Variants in TNIK observed in about 807,000 individuals in gnomAD.
TNIK encodes the protein TRAF2 and NCK-interacting protein kinase.
TNIK carries 49 observed loss-of-function variants against 191.3 expected under a neutral mutation model. That is an observed-to-expected ratio of 0.26 (90% CI 0.20 to 0.32). TNIK has a LOEUF of 0.32. Among genes scored for constraint, TNIK ranks in the 10% least tolerant of loss-of-function variants. The pLI is 1.00. For synonymous variants in TNIK, 594 were observed against 600.9 expected, an observed-to-expected ratio of 0.99 and a Z score of 0.17; for missense variants, 1,155 against 1,702.3, an observed-to-expected ratio of 0.68 and a Z score of 5.66.
intron 23 of TNIK, among the ~76,000 whole-genome samples, chr3:171,091,629 G>A (rs2108406788): frequency 6.6e-6 from 1 of 152,040 alleles, no homozygotes; most frequent in East Asian, 2.0e-4. Flanking sequence ...CAGCTACTTG[G>A]GAGGCTGAGG....
chr3:171,070,771 A>G (rs1263379490), intron 29 of TNIK, among the ~76,000 whole-genome samples: 1 of 152,256 alleles, frequency 6.6e-6, no homozygotes, highest in Non-Finnish European at 1.5e-5. Context: ...CTGGGGACAT[A>G]TAAGCATCAC....
At chr3:171,221,414 C>T (rs950177902) in intron 3 of TNIK, among the ~76,000 whole-genome samples, 3 of 152,134 alleles carry the variant, frequency 2.0e-5, no homozygotes, top group East Asian at 1.9e-4. Flanking sequence ...AAGGTCTACT[C>T]GTCCTGTAGA....
chr3:171,175,443 C>T (rs1735849811), intron 8 of TNIK, 113 bp from the exon 9 acceptor site: 1 of 742,664 alleles, frequency 1.3e-6, no homozygotes, highest in Non-Finnish European at 2.2e-6. Context: ...TTACACACCA[C>T]CAGTGAGCAC....
chr3:171,311,374 C>T (rs1753999519), intron 2 of TNIK, among the ~76,000 whole-genome samples: 1 of 152,190 alleles, frequency 6.6e-6, no homozygotes, highest in Admixed American at 6.5e-5. Context: ...AAGGAACAAG[C>T]TCACGAGTAA....
intron 28 of TNIK, among the ~76,000 whole-genome samples, chr3:171,075,620 A>G (rs1225720124): frequency 6.6e-6 from 1 of 151,716 alleles, no homozygotes; most frequent in South Asian, 2.1e-4. Context: ...AAAAACAAAT[A>G]CTTCTTAACT....
At chr3:171,354,132 A>C (rs1320902689) in intron 2 of TNIK, among the ~76,000 whole-genome samples, 1 of 152,148 alleles carries the variant, frequency 6.6e-6, no homozygotes, top group Non-Finnish European at 1.5e-5. Context: ...CAGCACAAAC[A>C]CCAAATTCAT....
intron 3 of TNIK, among the ~76,000 whole-genome samples, chr3:171,215,616 G>A (rs189451780): frequency 1.7e-4 from 26 of 152,278 alleles, no homozygotes; most frequent in South Asian, 2.1e-4. Flanking sequence ...AATCGGAAGC[G>A]TTTAAGAGCA....
intron 1 of TNIK, among the ~76,000 whole-genome samples, chr3:171,407,383 T>G (rs1013699145): frequency 6.6e-6 from 1 of 152,222 alleles, no homozygotes; most frequent in African/African-American, 2.4e-5. Context: ...TAGAAACGTT[T>G]TATTTGTAAA....
At chr3:171,294,920 G>C (rs1396769025) in intron 2 of TNIK, among the ~76,000 whole-genome samples, 1 of 151,820 alleles carries the variant, frequency 6.6e-6, no homozygotes, top group African/African-American at 2.4e-5. Context: ...AGTTATCCAT[G>C]TGTTCATTCA....
At chr3:171,293,492 A>AT (rs775037887) in intron 2 of TNIK, among the ~76,000 whole-genome samples, 1 of 152,174 alleles carries the variant, frequency 6.6e-6, no homozygotes, top group Non-Finnish European at 1.5e-5. Context: ...ATTATTTTCA[A>AT]TTTTTTTCAA....
At chr3:171,376,036 T>G (rs766186569) in intron 1 of TNIK, among the ~76,000 whole-genome samples, 1 of 152,196 alleles carries the variant, frequency 6.6e-6, no homozygotes, top group South Asian at 2.1e-4. Flanking sequence ...GCCAAACGAC[T>G]GTGCTTACTC....
chr3:171,134,723 T>G (rs1158248506), intron 15 of TNIK, among the ~76,000 whole-genome samples: 2 of 152,238 alleles, frequency 1.3e-5, no homozygotes, highest in African/African-American at 4.8e-5. Flanking sequence ...GCATTTTCAC[T>G]TGCTCTACAA....
rs200962831 is a variant in TNIK at position 171,259,097 on chromosome 3, TAA to T, written c.124-30878_124-30877del. 5.2e-3 allele frequency among the ~76,000 whole-genome samples: 787 copies of T among 152,190 alleles called. 4 individuals carry two copies. Among genetic ancestry groups the T allele is most frequent in the Non-Finnish European group, 7.9e-3 (535 of 68,012 alleles). Reference sequence around the variant, plus strand: ...AAAGTCAAGGACAGTGTGTTTTATATAAGAGAGAGAGAGAGCATGCACACGAG... The same window carrying T: ...AAAGTCAAGGACAGTGTGTTTTATATGAGAGAGAGAGAGCATGCACACGAG... On this transcript the variant is annotated intron_variant, in intron 2 of 32. Transcript: ENST00000436636.
chr3:171,309,225 A>G (rs1342910819), intron 2 of TNIK, among the ~76,000 whole-genome samples: 2 of 152,202 alleles, frequency 1.3e-5, no homozygotes, highest in East Asian at 3.9e-4. Context: ...CATCCATGAG[A>G]AAGAATGAGA....
At chr3:171,459,586 G>A (rs886973125) in intron 1 of TNIK, among the ~76,000 whole-genome samples, 5 of 151,714 alleles carry the variant, frequency 3.3e-5, no homozygotes, top group African/African-American at 1.2e-4. Flanking sequence ...AAACGTGAGG[G>A]GCCAGTGCCT....
intron 2 of TNIK, among the ~76,000 whole-genome samples, chr3:171,282,239 C>T (rs1043272033): frequency 2.0e-5 from 3 of 151,614 alleles, no homozygotes; most frequent in African/African-American, 7.3e-5. Context: ...AGAGCCAGCA[C>T]AGAGTATTTA....
intron 18 of TNIK, among the ~76,000 whole-genome samples, chr3:171,119,029 T>G (rs1252343163): frequency 2.6e-5 from 4 of 151,958 alleles, no homozygotes; most frequent in African/African-American, 9.7e-5. Context: ...TGGGAGAAAA[T>G]TTTTGCAATC....
chr3:171,064,717 T>C (rs77898630), intron 32 of TNIK, among the ~76,000 whole-genome samples: 1,904 of 152,260 alleles, frequency 0.013, 34 homozygotes, highest in African/African-American at 0.043. Context: ...ATGTTTAATG[T>C]TAAAGAACCA....
At chr3:171,441,376 C>T (rs1726779785) in intron 1 of TNIK, among the ~76,000 whole-genome samples, 3 of 152,194 alleles carry the variant, frequency 2.0e-5, no homozygotes, top group Non-Finnish European at 4.4e-5. Flanking sequence ...TTTGCATTTT[C>T]TAGACATTTC....
Sources: allele counts gnomAD v4.1 joint callset (sites outside exome capture counted in the v4.1 genomes callset), GRCh38; gene constraint gnomAD v4.1.1; transcripts MANE v1.5; gene names NCBI Gene and HGNC (gene_info 2026-07-23, HGNC 2026-07-21).